The following SPPL3 variants were observed in gnomAD, a reference collection of about 807,000 sequenced individuals.
SPPL3 encodes signal peptide peptidase-like 3.
A neutral mutation model predicts 42.4 loss-of-function variants in SPPL3; 5 were observed. That is an observed-to-expected ratio of 0.12 (90% confidence interval 0.06 to 0.25). The LOEUF is 0.25. Ranked by LOEUF, SPPL3 falls within the 10% of genes least tolerant of loss-of-function variation. The pLI is 1.00. For synonymous variants in SPPL3, 195 were observed against 181.8 expected (o/e 1.07, Z -0.58); for missense variants, 235 against 489.0 (o/e 0.48, Z 4.90).
intron 2 of SPPL3, among the ~76,000 whole-genome samples, chr12:120,805,129 A>G (rs1406854877): frequency 1.3e-5 from 2 of 152,200 alleles, no homozygotes; most frequent in African/African-American, 4.8e-5. Context: ...TTTTGGGATG[A>G]TAATGTGCTA....
intron 1 of SPPL3, among the ~76,000 whole-genome samples, chr12:120,837,810 C>T (rs1347676552): frequency 6.6e-6 from 1 of 151,794 alleles, no homozygotes; most frequent in Non-Finnish European, 1.5e-5. Context: ...ACCTTTCCTG[C>T]AGCTGTTACA....
At chr12:120,864,561 G>GA (rs1872706450) in intron 1 of SPPL3, among the ~76,000 whole-genome samples, 1 of 152,016 alleles carries the variant, frequency 6.6e-6, no homozygotes, top group African/African-American at 2.4e-5. Flanking sequence ...CAAAACCTGG[G>GA]AAGTCATCAA....
intron 1 of SPPL3, among the ~76,000 whole-genome samples, chr12:120,892,220 T>C (rs1422574917): frequency 1.3e-5 from 2 of 152,174 alleles, no homozygotes; most frequent in Non-Finnish European, 2.9e-5. Flanking sequence ...CTACTATCTG[T>C]AGGTCCTTGC....
intron 1 of SPPL3, among the ~76,000 whole-genome samples, chr12:120,843,828 C>T (rs1414038884): frequency 1.3e-5 from 2 of 152,046 alleles, no homozygotes; most frequent in African/African-American, 4.8e-5. Flanking sequence ...CATGGTGGCA[C>T]GCGCCTATAA....
At position 120,767,622 on chromosome 12, in the gene SPPL3, G is replaced by A. The variant is rs374546329; in HGVS notation, c.774-29C>T. 9.9e-6 allele frequency: 16 copies of A among 1,610,068 alleles called. No individual in the cohort carries two copies. In the African/African-American group the frequency reaches 1.2e-4, roughly 12 times the overall value. Reference sequence around the variant, plus strand: ...GAATGCAGTTTCACAGGTTAGTGACGTCACACTCTACAATCCAGTTTCTAT... The same window carrying A: ...GAATGCAGTTTCACAGGTTAGTGACATCACACTCTACAATCCAGTTTCTAT... On this transcript the variant is annotated intron_variant, in intron 8 of 10. Transcript: ENST00000353487.
intron 1 of SPPL3, among the ~76,000 whole-genome samples, chr12:120,890,150 G>A (rs1873589867): frequency 6.6e-6 from 1 of 152,152 alleles, no homozygotes; most frequent in Admixed American, 6.5e-5. Flanking sequence ...GGGGAAAGCT[G>A]AGGCAGGAGA....
intron 1 of SPPL3, among the ~76,000 whole-genome samples, chr12:120,865,654 T>C (rs1872735067): frequency 6.6e-6 from 1 of 152,198 alleles, no homozygotes. Flanking sequence ...GTTGTAGCAA[T>C]GAAATTTTAT....
chr12:120,879,923 A>G (rs899580910), intron 1 of SPPL3, among the ~76,000 whole-genome samples: 4 of 152,032 alleles, frequency 2.6e-5, no homozygotes, highest in Non-Finnish European at 4.4e-5. Flanking sequence ...TCTGCCCTAA[A>G]AGCAGAAGTT....
intron 1 of SPPL3, among the ~76,000 whole-genome samples, chr12:120,858,397 A>G (rs1173976236): frequency 6.6e-6 from 1 of 151,890 alleles, no homozygotes; most frequent in African/African-American, 2.4e-5. Flanking sequence ...CGGAGGTTGC[A>G]GTGAGCCAAG....
At chr12:120,788,502 C>T (rs915418667) in intron 3 of SPPL3, among the ~76,000 whole-genome samples, 6 of 152,214 alleles carry the variant, frequency 3.9e-5, no homozygotes, top group African/African-American at 1.2e-4. Context: ...ATCTAACCCT[C>T]TGTTGAGTCT....
chr12:120,868,262 AT>A (rs1033829816), intron 1 of SPPL3, among the ~76,000 whole-genome samples: 6 of 151,932 alleles, frequency 3.9e-5, no homozygotes, highest in Non-Finnish European at 7.4e-5. Context: ...TCACTGCAAA[AT>A]AAAAAAAAAA....
At chr12:120,877,795 AAAG>A (rs1245912831) in intron 1 of SPPL3, among the ~76,000 whole-genome samples, 5,134 of 132,536 alleles carry the variant, frequency 0.039, 308 homozygotes, top group African/African-American at 0.13. Flanking sequence ...AAAAAAAAAG[AAAG>A]AAAGAAAGAA....
rs748258828 is a variant in SPPL3, at chr12:120,765,061, G to A, written c.1093C>T (p.Arg365Trp). 3.1e-6 allele frequency: 5 copies of A among 1,613,584 alleles called. No individual in the cohort carries two copies. The highest frequency in any genetic ancestry group is 4.2e-6 in the Non-Finnish European group (5 of 1,179,798). Residue 365 changes from arginine (R) to tryptophan (W), a missense_variant, in exon 11 of 11, where the codon CGG becomes TGG. By Grantham distance (101) the Arg-to-Trp change is moderately radical (BLOSUM62 -3). Coordinates refer to ENST00000353487, the MANE Select transcript of SPPL3 (RefSeq NM_139015.5). ...LTMAYLKGDL[R>W]RMWSEPFHSK... The stretch of plus-strand genomic sequence containing the variant: ...TGGAAAGGCTCAGACCACATCCGCC[G>A]GAGGTCGCCCTGGGAAACAAGGGAC...
At chr12:120,809,574 T>C (rs1447925430) in intron 2 of SPPL3, among the ~76,000 whole-genome samples, 2 of 152,206 alleles carry the variant, frequency 1.3e-5, no homozygotes, top group East Asian at 3.8e-4. Context: ...TTGAGCAGCA[T>C]TTTCTGGTAG....
At chr12:120,896,778 CAA>C (rs1169482684) in intron 1 of SPPL3, among the ~76,000 whole-genome samples, 2 of 129,964 alleles carry the variant, frequency 1.5e-5, no homozygotes, top group Admixed American at 8.0e-5. Context: ...GACTCCGTTT[CAA>C]AAAAAAAAAA....
intron 1 of SPPL3, among the ~76,000 whole-genome samples, chr12:120,891,749 A>C (rs1873651180): frequency 1.3e-5 from 2 of 151,814 alleles, no homozygotes; most frequent in Non-Finnish European, 2.9e-5. Flanking sequence ...AAAAAAAAAA[A>C]AAAAAAAGCA....
intron 1 of SPPL3, among the ~76,000 whole-genome samples, chr12:120,845,953 G>A (rs748285263): frequency 2.4e-4 from 36 of 151,710 alleles, no homozygotes; most frequent in Non-Finnish European, 3.8e-4. Context: ...GCTAGAGTGC[G>A]GTGGTGCAAT....
chr12:120,826,307 A>G (rs1266193310), intron 1 of SPPL3, among the ~76,000 whole-genome samples: 3 of 151,928 alleles, frequency 2.0e-5, no homozygotes, highest in African/African-American at 7.2e-5. Flanking sequence ...AAAAAAAAAA[A>G]AAAAGAAAGC....
intron 2 of SPPL3, among the ~76,000 whole-genome samples, chr12:120,803,575 TA>T (rs1469787317): frequency 6.6e-6 from 1 of 152,062 alleles, no homozygotes; most frequent in Non-Finnish European, 1.5e-5. Context: ...TAAAAAATTT[TA>T]AAAAGAAAGT....
Sources: gnomAD v4.1 joint callset for allele counts (sites outside exome capture counted in the v4.1 genomes callset) on GRCh38, gnomAD v4.1.1 for gene constraint, MANE v1.5 for transcripts, NCBI Gene and HGNC (gene_info 2026-07-23, HGNC 2026-07-21) for gene names.